Variants in DLGAP2 observed in about 807,000 individuals in gnomAD.
DLGAP2 encodes the protein disks large-associated protein 2.
A neutral mutation model predicts 100.3 loss-of-function variants in DLGAP2; 26 were observed. The ratio of observed to expected loss-of-function variants is 0.26; its 90% CI spans 0.19 to 0.36. The LOEUF (loss-of-function observed/expected upper bound fraction) is 0.36. Ranked by LOEUF, DLGAP2 falls within the 10% of genes least tolerant of loss-of-function variation. DLGAP2 has a pLI of 1.00. For synonymous variants in DLGAP2, 886 were observed against 630.1 expected (o/e 1.41, Z -6.08); for missense variants, 1,858 against 1,453.2 (o/e 1.28, Z -4.53).
chr8:944,966 G>C (rs548268641), intron 2 of DLGAP2, among the ~76,000 whole-genome samples: 1 of 152,190 alleles, frequency 6.6e-6, no homozygotes, highest in Admixed American at 6.5e-5. Flanking sequence ...GATTTTCCTA[G>C]TGATCTGTGG....
At chr8:1,065,248 G>C (rs1189526249) in intron 2 of DLGAP2, among the ~76,000 whole-genome samples, 2 of 152,200 alleles carry the variant, frequency 1.3e-5, no homozygotes, top group Non-Finnish European at 2.9e-5. Flanking sequence ...GCCATTGCCA[G>C]GAATTTGATT....
intron 3 of DLGAP2, among the ~76,000 whole-genome samples, chr8:1,434,169 G>A (rs986240888): frequency 6.6e-6 from 1 of 152,172 alleles, no homozygotes; most frequent in Non-Finnish European, 1.5e-5. Context: ...ATGACCGTCA[G>A]CAGCTCAGCC....
chr8:873,603 C>G lies in DLGAP2; in HGVS notation c.19-34309C>G, dbSNP rs528709570. On this transcript the variant is annotated intron_variant, in intron 1 of 14. Transcript: ENST00000637795. ...AATATTTTGTTGAGGATTTTTTAAT[C>G]TATATTTATGAGATATTCATCTTTA... is the stretch of plus-strand genomic sequence containing the variant. Among the ~76,000 whole-genome samples the G allele has an allele frequency of 1.6e-3, 236 of 152,060 alleles. 3 individuals are homozygous for G. Among genetic ancestry groups the G allele is most frequent in the South Asian group, 7.3e-3 (35 of 4,820 alleles).
At position 1,503,532 on chromosome 8, in the gene DLGAP2, G is replaced by A. The variant is rs149307594; in HGVS notation, c.172+2101G>A. Among the ~76,000 whole-genome samples the A allele has an allele frequency of 9.4e-4, 143 of 152,222 alleles. 1 individual carries two copies. Among genetic ancestry groups the A allele is most frequent in the African/African-American group, 3.2e-3 (134 of 41,504 alleles). On this transcript the variant is annotated intron_variant, in intron 4 of 14. Transcript: ENST00000637795. ...TTCCATTCCTCCGTGGACAGACCCC[G>A]GGTCGCTTCTCCTTGGCCAGTGTGA...
In DLGAP2 at chr8:1,069,485, C is replaced by T. The variant is rs149044458; in HGVS notation, c.73+161519C>T. On this transcript the variant is annotated intron_variant, in intron 2 of 14. Coordinates refer to ENST00000637795, the MANE Select transcript of DLGAP2 (RefSeq NM_001346810.2). ...TGCTACAAAAAGAAGGCTCAGCAAC[C>T]GGGGACTTGCATTTTTGCTTTTTTG... Among the ~76,000 whole-genome samples, 164 of 152,224 alleles carry T rather than the reference C, an allele frequency of 1.1e-3. 2 individuals carry two copies. Among genetic ancestry groups the T allele is most frequent in the Middle Eastern group, 3.4e-3 (1 of 294 alleles).
At chr8:949,065 C>T (rs1270218031) in intron 2 of DLGAP2, among the ~76,000 whole-genome samples, 2 of 152,122 alleles carry the variant, frequency 1.3e-5, no homozygotes, top group Non-Finnish European at 2.9e-5. Context: ...GGCCCGTGGG[C>T]GTGACTGCCG....
chr8:1,442,854 G>C (rs1797877189), intron 3 of DLGAP2, among the ~76,000 whole-genome samples: 1 of 152,232 alleles, frequency 6.6e-6, no homozygotes, highest in South Asian at 2.1e-4. Context: ...TGTGGGTTTA[G>C]CCACTGGGAT....
At chr8:1,353,724 A>G (rs1201474050) in intron 3 of DLGAP2, among the ~76,000 whole-genome samples, 3 of 152,106 alleles carry the variant, frequency 2.0e-5, no homozygotes, top group African/African-American at 4.8e-5. Context: ...AAAATAATTT[A>G]CTTAACGTAA....
chr8:1,353,555 T>C (rs951331774), intron 3 of DLGAP2, among the ~76,000 whole-genome samples: 1 of 152,214 alleles, frequency 6.6e-6, no homozygotes, highest in Non-Finnish European at 1.5e-5. Flanking sequence ...CTTAGCTGTA[T>C]TAAATGCATT....
At chr8:988,119 T>C (rs1353188976) in intron 2 of DLGAP2, among the ~76,000 whole-genome samples, 1 of 152,196 alleles carries the variant, frequency 6.6e-6, no homozygotes, top group Non-Finnish European at 1.5e-5. Context: ...TTATTTTCTA[T>C]GGTTTTCACG....
intron 1 of DLGAP2, among the ~76,000 whole-genome samples, chr8:806,599 C>T (rs1796275183): frequency 6.6e-6 from 1 of 152,168 alleles, no homozygotes; most frequent in Non-Finnish European, 1.5e-5. Flanking sequence ...GTACCCGGAA[C>T]AGGCTTCCTT....
At chr8:1,576,035 A>G (rs1330700399) in intron 6 of DLGAP2, among the ~76,000 whole-genome samples, 5 of 152,184 alleles carry the variant, frequency 3.3e-5, no homozygotes, top group African/African-American at 1.2e-4. Context: ...TCCTTGAGGA[A>G]TCGCCACACT....
intron 3 of DLGAP2, among the ~76,000 whole-genome samples, chr8:1,433,055 C>A (rs1446775067): frequency 6.6e-6 from 1 of 152,304 alleles, no homozygotes; most frequent in Admixed American, 6.5e-5. Context: ...AAGTTTTAGT[C>A]CCAGGGCACT....
At chr8:1,204,483 A>G (rs1797948355) in intron 2 of DLGAP2, among the ~76,000 whole-genome samples, 1 of 152,246 alleles carries the variant, frequency 6.6e-6, no homozygotes, top group South Asian at 2.1e-4. Context: ...AACTTACTGC[A>G]TACCTTCATC....
intron 1 of DLGAP2, among the ~76,000 whole-genome samples, chr8:762,928 C>T (rs1352777078): frequency 2.6e-5 from 4 of 152,164 alleles, no homozygotes; most frequent in Admixed American, 6.5e-5. Context: ...TCACTCACCT[C>T]GGCCTCCCAA....
chr8:1,403,789 A>C (rs1389148421), intron 3 of DLGAP2, among the ~76,000 whole-genome samples: 68 of 8,664 alleles, frequency 7.8e-3, no homozygotes, highest in Admixed American at 0.02. Context: ...CCTCCAGGGT[A>C]GTGTATTGAG....
intron 3 of DLGAP2, among the ~76,000 whole-genome samples, chr8:1,310,485 C>T (rs560666194): frequency 1.3e-5 from 2 of 152,266 alleles, no homozygotes; most frequent in South Asian, 4.1e-4. Context: ...GATTAATAAA[C>T]ATGGGGTTTG....
chr8:1,494,323 T>C (rs889175877), intron 3 of DLGAP2, among the ~76,000 whole-genome samples: 1 of 152,262 alleles, frequency 6.6e-6, no homozygotes, highest in African/African-American at 2.4e-5. Flanking sequence ...AACTTCCCCC[T>C]GAGAAGACGC....
At chr8:953,682 G>C (rs1045157501) in intron 2 of DLGAP2, among the ~76,000 whole-genome samples, 1 of 152,196 alleles carries the variant, frequency 6.6e-6, no homozygotes, top group Non-Finnish European at 1.5e-5. Flanking sequence ...ACAGAGTTGC[G>C]TGAAAGAAAG....
Sources: allele counts gnomAD v4.1 joint callset (sites outside exome capture counted in the v4.1 genomes callset), GRCh38; gene constraint gnomAD v4.1.1; transcripts MANE v1.5; gene names NCBI Gene and HGNC (gene_info 2026-07-23, HGNC 2026-07-21).